Variants in VDR observed in about 807,000 individuals in gnomAD.
VDR encodes vitamin D receptor.
VDR carries 19 observed loss-of-function variants against 39.7 expected under a neutral mutation model. The ratio of observed to expected loss-of-function variants is 0.48; its 90% CI spans 0.33 to 0.70. VDR has a LOEUF of 0.70. Ranked by LOEUF, VDR falls within the 30% of genes least tolerant of loss-of-function variation. The pLI, the probability that VDR is intolerant of heterozygous loss-of-function variation, is 0.02. For synonymous variants in VDR, 242 were observed against 215.8 expected (o/e 1.12, Z -1.07); for missense variants, 442 against 570.5 (o/e 0.77, Z 2.29).
chr12:47,882,079 G>C (rs1946160811), intron 2 of VDR, among the ~76,000 whole-genome samples: 1 of 152,208 alleles, frequency 6.6e-6, no homozygotes, highest in African/African-American at 2.4e-5. Flanking sequence ...GAGATGCTAT[G>C]ATGCAAGCGA....
chr12:47,847,877 G>A (rs1308146588), intron 7 of VDR, among the ~76,000 whole-genome samples: 1 of 152,128 alleles, frequency 6.6e-6, no homozygotes, highest in African/African-American at 2.4e-5. Flanking sequence ...TAAGTAGCTG[G>A]GACTACAGGT....
chr12:47,848,620 G>T (rs1376035464), intron 7 of VDR, among the ~76,000 whole-genome samples: 1 of 136,460 alleles, frequency 7.3e-6, no homozygotes, highest in African/African-American at 2.8e-5. Context: ...AGGCTGGAGT[G>T]CAGTGGTGAG....
At chr12:47,904,461 G>GAAAAAAAAAA (rs1592163511) in intron 1 of VDR, 2 of 472,276 alleles carry the variant, frequency 4.2e-6, no homozygotes, top group African/African-American at 9.2e-5. Context: ...TCAAAGAAAA[G>GAAAAAAAAAA]TAAAAAAAAA....
At chr12:47,903,902 G>T (rs1382101066) in intron 1 of VDR, among the ~76,000 whole-genome samples, 1 of 152,140 alleles carries the variant, frequency 6.6e-6, no homozygotes, top group Non-Finnish European at 1.5e-5. Flanking sequence ...GCTGTGTTGG[G>T]TATCTGAGCC....
At chr12:47,890,187 C>G (rs1946341615) in intron 1 of VDR, among the ~76,000 whole-genome samples, 1 of 151,794 alleles carries the variant, frequency 6.6e-6, no homozygotes, top group Non-Finnish European at 1.5e-5. Flanking sequence ...CTAAAACACA[C>G]AGCAGGAAGC....
intron 4 of VDR, among the ~76,000 whole-genome samples, chr12:47,859,428 GC>G (rs1321041212): frequency 6.6e-6 from 1 of 152,182 alleles, no homozygotes; most frequent in Non-Finnish European, 1.5e-5. Flanking sequence ...TGCTGGCATT[GC>G]TGCTGGCCTG....
intron 3 of VDR, among the ~76,000 whole-genome samples, chr12:47,869,697 C>T (rs1295674219): frequency 6.6e-6 from 1 of 152,088 alleles, no homozygotes; most frequent in Non-Finnish European, 1.5e-5. Context: ...GAGTTTGAGA[C>T]CAACCTGGCC....
In VDR at chr12:47,859,902, C is replaced by T. The variant is rs56312838; in HGVS notation, c.278-2214G>A. On this transcript the variant is annotated intron_variant, in intron 4 of 9. Coordinates refer to ENST00000549336, the MANE Select transcript of VDR (RefSeq NM_000376.3). ...CCTTCCTTCCTTCCTTCCTTCCTTC[C>T]TTCCTTCCTTCCTTCTTTCTTTTTC... Among the ~76,000 whole-genome samples the T allele has an allele frequency of 3.9e-3, 172 of 44,534 alleles. 7 individuals are homozygous for T. The highest frequency in any genetic ancestry group is 0.011 in the East Asian group (20 of 1,822). 29.2% of individuals were successfully genotyped at this position (44,534 alleles called of 152,430 possible). A position where few individuals can be genotyped will look rare whatever the true frequency, so the allele number is the denominator to read the frequency against.
intron 6 of VDR, among the ~76,000 whole-genome samples, 169 bp from the exon 7 acceptor site, chr12:47,855,970 C>T (rs1475210952): frequency 3.9e-5 from 6 of 152,224 alleles, no homozygotes; most frequent in Non-Finnish European, 8.8e-5. Context: ...GGGACTCTCT[C>T]TGCCTCTTTC....
At chr12:47,897,309 A>G (rs1946480394) in intron 1 of VDR, among the ~76,000 whole-genome samples, 1 of 152,204 alleles carries the variant, frequency 6.6e-6, no homozygotes, top group Admixed American at 6.5e-5. Context: ...CAGCTATTAC[A>G]TAATATGGTA....
chr12:47,896,155 G>C (rs1250677429), intron 1 of VDR, among the ~76,000 whole-genome samples: 2 of 152,244 alleles, frequency 1.3e-5, no homozygotes, highest in Non-Finnish European at 2.9e-5. Flanking sequence ...TCTGTGAGGA[G>C]TCCATGAGAT....
At chr12:47,866,268 C>T (rs545916638) in intron 3 of VDR, among the ~76,000 whole-genome samples, 21 of 151,460 alleles carry the variant, frequency 1.4e-4, no homozygotes, top group Admixed American at 9.2e-4. Context: ...CCACCGCACC[C>T]GGCTAATTCT....
chr12:47,864,995 T>TGA, intron 4 of VDR, 52 bp downstream of exon 4: 1 of 1,608,662 alleles, frequency 6.2e-7, no homozygotes, highest in East Asian at 2.2e-5. Context: ...GGCCAAGGCC[T>TGA]TTCCCTGACT....
intron 4 of VDR, 71 bp downstream of exon 4, chr12:47,864,976 C>T: frequency 1.2e-6 from 2 of 1,603,468 alleles, no homozygotes; most frequent in Non-Finnish European, 8.5e-7. Flanking sequence ...CCCAAACTTG[C>T]AGGAGAGTGG....
chr12:47,856,029 G>A (rs975624186), intron 6 of VDR, among the ~76,000 whole-genome samples: 7 of 152,214 alleles, frequency 4.6e-5, no homozygotes, highest in African/African-American at 1.2e-4. Context: ...TCAGAGCAAT[G>A]AGACTTCCTC....
At chr12:47,904,462 TAAAAAAAAAAAAA>T in intron 1 of VDR, 6 of 357,634 alleles carry the variant, frequency 1.7e-5, no homozygotes, top group South Asian at 5.1e-5. Context: ...CAAAGAAAAG[TAAAAAAAAAAAAA>T]AAAAAAAAAA....
chr12:47,870,258 A>C (rs778240322), intron 3 of VDR, among the ~76,000 whole-genome samples: 1 of 152,208 alleles, frequency 6.6e-6, no homozygotes, highest in Non-Finnish European at 1.5e-5. Context: ...GCCCACGAGG[A>C]GTCAGGGCAG....
chr12:47,874,266 A>C (rs1262080789), intron 3 of VDR, among the ~76,000 whole-genome samples: 2 of 152,194 alleles, frequency 1.3e-5, no homozygotes, highest in Admixed American at 1.3e-4. Flanking sequence ...AAGTCTCTCC[A>C]GCAACACTGA....
chr12:47,883,445 T>C (rs1208765163), intron 1 of VDR, among the ~76,000 whole-genome samples: 1 of 152,214 alleles, frequency 6.6e-6, no homozygotes, highest in African/African-American at 2.4e-5. Flanking sequence ...CTTTTAGCTC[T>C]TCCCCAGACA....
Sources: gnomAD v4.1 joint callset for allele counts (sites outside exome capture counted in the v4.1 genomes callset) on GRCh38, gnomAD v4.1.1 for gene constraint, MANE v1.5 for transcripts, NCBI Gene and HGNC (gene_info 2026-07-23, HGNC 2026-07-21) for gene names.